The following KCNT2 variants were observed in gnomAD, a reference collection of about 807,000 sequenced individuals.
The protein encoded by KCNT2 is potassium sodium-activated channel subfamily T member 2.
A neutral mutation model predicts 153.8 loss-of-function variants in KCNT2; 67 were observed. The observed-to-expected ratio is 0.44, with a 90% CI of 0.36 to 0.53. The LOEUF (loss-of-function observed/expected upper bound fraction) is 0.53. Among genes scored for constraint, KCNT2 ranks in the 20% least tolerant of loss-of-function variants. The probability of loss-of-function intolerance (pLI) is 0.00; values close to 1 mark genes in which losing one functional copy is unlikely to be tolerated. For missense variants in KCNT2, 975 were observed against 1,354.8 expected, an observed-to-expected ratio of 0.72 and a Z score of 4.40; for synonymous variants, 500 against 458.8, an observed-to-expected ratio of 1.09 and a Z score of -1.15.
chr1:196,303,499 A>G (rs1469773537), intron 22 of KCNT2, among the ~76,000 whole-genome samples: 1 of 152,160 alleles, frequency 6.6e-6, no homozygotes, highest in Non-Finnish European at 1.5e-5. Flanking sequence ...TGACCTTGCT[A>G]CGTCAACTGA....
chr1:196,293,916 T>A (rs1660437880), intron 22 of KCNT2, among the ~76,000 whole-genome samples: 2 of 149,184 alleles, frequency 1.3e-5, no homozygotes, highest in Admixed American at 1.3e-4. Context: ...CGAACAGACA[T>A]CCTATAGATT....
chr1:196,342,309 T>G, intron 14 of KCNT2, 81 bp from the exon 15 acceptor site: 1 of 1,281,712 alleles, frequency 7.8e-7, no homozygotes, highest in Non-Finnish European at 1.1e-6. Flanking sequence ...GTTATAGAAC[T>G]GTTTCTCAAC....
rs145225324 is a variant in KCNT2, at chr1:196,591,121, G to A, written c.95+17094C>T. Among the ~76,000 whole-genome samples the A allele has an allele frequency of 4.2e-3, 635 of 152,196 alleles. 6 individuals carry two copies. Among genetic ancestry groups the A allele is most frequent in the Non-Finnish European group, 6.6e-3 (446 of 67,984 alleles). ...GGCTAATGGGAGGTGTTTGGGTCAT[G>A]AGGGCGGATCCTTCATGAATGATGT... On this transcript the variant is annotated intron_variant, in intron 1 of 27. Coordinates refer to ENST00000294725, the MANE Select transcript of KCNT2 (RefSeq NM_198503.5).
intron 8 of KCNT2, among the ~76,000 whole-genome samples, chr1:196,433,937 C>T (rs181807890): frequency 2.6e-5 from 4 of 152,022 alleles, no homozygotes; most frequent in Non-Finnish European, 2.9e-5. Context: ...TAATTGTTTA[C>T]AACTGTTGTG....
At chr1:196,465,874 A>AT (rs1557971844) in intron 7 of KCNT2, among the ~76,000 whole-genome samples, 1 of 151,870 alleles carries the variant, frequency 6.6e-6, no homozygotes, top group African/African-American at 2.4e-5. Flanking sequence ...CCAATAAACA[A>AT]TTTTTTTCTA....
At chr1:196,479,084 C>G (rs1678782590) in intron 5 of KCNT2, 95 bp downstream of exon 5, 1 of 796,428 alleles carries the variant, frequency 1.3e-6, no homozygotes, top group Non-Finnish European at 2.1e-6. Context: ...GAAGAGTCAG[C>G]CTTACCTTCC....
At chr1:196,471,415 G>T (rs1229260274) in intron 5 of KCNT2, among the ~76,000 whole-genome samples, 1 of 151,352 alleles carries the variant, frequency 6.6e-6, no homozygotes, top group African/African-American at 2.4e-5. Flanking sequence ...GTTATGCCAT[G>T]TTTTTTTTTA....
chr1:196,499,876 G>T (rs1680532906), intron 1 of KCNT2, among the ~76,000 whole-genome samples: 2 of 152,080 alleles, frequency 1.3e-5, no homozygotes, highest in Admixed American at 6.6e-5. Context: ...AGAAGTGGTG[G>T]CTCATGTCTG....
intron 5 of KCNT2, 102 bp from the exon 6 acceptor site, chr1:196,469,170 C>A: frequency 1.5e-6 from 1 of 674,050 alleles, no homozygotes; most frequent in Admixed American, 2.4e-5. Context: ...AAGGATGCTT[C>A]CATTAACAGA....
chr1:196,412,781 G>C (rs1672446905), intron 12 of KCNT2, among the ~76,000 whole-genome samples: 1 of 151,652 alleles, frequency 6.6e-6, no homozygotes, highest in African/African-American at 2.4e-5. Context: ...TAAACAATAT[G>C]TTCATAGTCA....
At chr1:196,540,215 T>C (rs536085489) in intron 1 of KCNT2, among the ~76,000 whole-genome samples, 2 of 152,286 alleles carry the variant, frequency 1.3e-5, no homozygotes, top group East Asian at 3.9e-4. Context: ...ATATGAACAC[T>C]TCCTTCTTTC....
intron 12 of KCNT2, among the ~76,000 whole-genome samples, chr1:196,402,772 A>C (rs1305169904): frequency 6.6e-6 from 1 of 151,680 alleles, no homozygotes; most frequent in Admixed American, 6.6e-5. Flanking sequence ...CAGAGATCAA[A>C]ACAAACATCT....
At chr1:196,261,970 T>C (rs893774422) in intron 25 of KCNT2, among the ~76,000 whole-genome samples, 3 of 151,890 alleles carry the variant, frequency 2.0e-5, no homozygotes, top group Non-Finnish European at 4.4e-5. Context: ...ACAATTTCCA[T>C]ACAAATTTAA....
chr1:196,280,557 T>G (rs1338348150), intron 25 of KCNT2, among the ~76,000 whole-genome samples: 1 of 152,344 alleles, frequency 6.6e-6, no homozygotes, highest in South Asian at 2.1e-4. Context: ...AGGTTATTTG[T>G]AATTAATTTG....
At chr1:196,569,161 T>C (rs1490755010) in intron 1 of KCNT2, among the ~76,000 whole-genome samples, 1 of 152,200 alleles carries the variant, frequency 6.6e-6, no homozygotes, top group Non-Finnish European at 1.5e-5. Flanking sequence ...AAATTTTAAG[T>C]TAATTTGATT....
intron 26 of KCNT2, among the ~76,000 whole-genome samples, chr1:196,247,657 A>G (rs754290167): frequency 1.8e-4 from 28 of 152,232 alleles, no homozygotes; most frequent in Non-Finnish European, 3.5e-4. Flanking sequence ...CCCCTTATAA[A>G]ACCATCAGAT....
chr1:196,294,106 C>A lies in KCNT2; in HGVS notation c.2596-8348G>T, dbSNP rs111762139. 6.1e-3 allele frequency among the ~76,000 whole-genome samples: 924 copies of A among 152,164 alleles called. 12 individuals are homozygous for A. The highest frequency in any genetic ancestry group is 0.021 in the African/African-American group (873 of 41,512). On this transcript the variant is annotated intron_variant, in intron 22 of 27. Coordinates refer to ENST00000294725, the MANE Select transcript of KCNT2 (RefSeq NM_198503.5). ...GCCAACACGTATAGGAAAAGCTGATCAACATCACTGATCATCAGGGAAATG... is the reference window on the plus strand; with the variant it reads ...GCCAACACGTATAGGAAAAGCTGATAAACATCACTGATCATCAGGGAAATG...
intron 1 of KCNT2, among the ~76,000 whole-genome samples, chr1:196,566,211 TTA>T (rs1660091871): frequency 6.6e-6 from 1 of 151,942 alleles, no homozygotes; most frequent in African/African-American, 2.4e-5. Flanking sequence ...GGGTCAAATT[TTA>T]TCAGATTCAA....
intron 12 of KCNT2, among the ~76,000 whole-genome samples, chr1:196,406,872 C>T (rs1442822371): frequency 2.0e-5 from 3 of 151,434 alleles, no homozygotes; most frequent in Non-Finnish European, 4.4e-5. Context: ...TAAAAACCTG[C>T]TTGCCTGTCG....
Sources: gnomAD v4.1 joint callset for allele counts (sites outside exome capture counted in the v4.1 genomes callset) on GRCh38, gnomAD v4.1.1 for gene constraint, MANE v1.5 for transcripts, NCBI Gene and HGNC (gene_info 2026-07-23, HGNC 2026-07-21) for gene names.